The following MYO1G variants were observed in gnomAD, a reference collection of about 807,000 sequenced individuals.
MYO1G encodes myosin IG.
Under a neutral mutation model 115.3 loss-of-function variants are expected in MYO1G, and 65 were observed. The ratio of observed to expected loss-of-function variants is 0.56; its 90% confidence interval spans 0.46 to 0.69. The LOEUF (loss-of-function observed/expected upper bound fraction) is 0.69, where lower values mean the gene tolerates loss of function less well. Ranked by LOEUF, MYO1G falls within the 30% of genes least tolerant of loss-of-function variation. The probability of loss-of-function intolerance (pLI) is 0.00; values close to 1 mark genes in which losing one functional copy is unlikely to be tolerated. For missense variants in MYO1G, 1,204 were observed against 1,393.5 expected, an observed-to-expected ratio of 0.86 and a Z score of 2.16; for synonymous variants, 510 against 552.6, an observed-to-expected ratio of 0.92 and a Z score of 1.08.
At chr7:44,965,224 T>G in intron 17 of MYO1G, 135 bp from the exon 18 acceptor site, 2 of 1,312,126 alleles carry the variant, frequency 1.5e-6, no homozygotes, top group Non-Finnish European at 2.1e-6. Flanking sequence ...CCGGCCTCTC[T>G]GGCCTTGGCC....
Position 44,964,546 on chromosome 7 carries a change from G to A in MYO1G, c.2527-27C>T, listed in dbSNP as rs1165204864. 3.8e-6 allele frequency: 6 copies of A among 1,576,124 alleles called. No individual in the cohort carries two copies. Among genetic ancestry groups the A allele is most frequent in the Admixed American group, 3.3e-5 (2 of 59,880 alleles). On this transcript the variant is annotated intron_variant, in intron 18 of 21. Transcript: ENST00000258787. The surrounding 1 kb of genome is among the most constrained non-coding windows in gnomAD (Gnocchi z 5.1). ...TGAGGACAGATGGAGGGGAGGGGGC[G>A]CTGCTTGGGATTGAGTCATGGGACC...
rs1404682476 is a variant in MYO1G, at chr7:44,970,120, T to C, written c.1252A>G (p.Lys418Glu). The C allele has an allele frequency of 3.1e-6, 5 of 1,613,978 alleles. No individual in the cohort carries two copies. The highest frequency in any genetic ancestry group is 4.2e-6 in the Non-Finnish European group (5 of 1,179,930). ...EQFCINYCNE[K>E]LQQLFIQLIL... ...AGCTGGATGAATAGCTGCTGCAGCT[T>C]CTCGTTGCAGTAGTTGATGCAGAAC... is the stretch of plus-strand genomic sequence containing the variant. Residue 418 changes from lysine (K) to glutamate (E), a missense_variant, in exon 10 of 22, where the codon AAG (lysine) becomes GAG (glutamate). Coordinates refer to ENST00000258787, the MANE Select transcript of MYO1G (RefSeq NM_033054.3).
Position 44,962,856 on chromosome 7 carries a change from G to A in MYO1G, c.2940C>T (p.Ile980=), listed in dbSNP as rs1033799889. 1 of 1,505,838 alleles carries A rather than the reference G, an allele frequency of 6.6e-7. No individual in the cohort carries two copies. The highest frequency in any genetic ancestry group is 2.6e-5 in the East Asian group (1 of 37,870). The allele number at this position is 1,505,838 out of a possible 1,614,324, so 93.3% of individuals were successfully genotyped here. A position where few individuals can be genotyped will look rare whatever the true frequency, so the allele number is the denominator to read the frequency against. Residue 980 remains isoleucine, a synonymous_variant, in exon 22 of 22, where the codon ATC becomes ATT. Transcript: ENST00000258787. The surrounding 1 kb of genome is among the most constrained non-coding windows in gnomAD (Gnocchi z 5.3). ...GCCGGACCCCGCGATGGCTTAGTGG[G>A]ATGCAGTCGGAGACGCGAACCTCCA... ...RTLEVRVSDC[I]PLSHRGVRRL...
chr7:44,973,408 G>A (rs1157808914), intron 5 of MYO1G: 2 of 152,124 alleles, frequency 1.3e-5, no homozygotes, highest in African/African-American at 4.8e-5. Context: ...GACACTGCCT[G>A]TGTCCAAGAC....
At position 44,963,424 on chromosome 7, in the gene MYO1G, T is replaced by G; in HGVS notation, c.2746-300A>C. 2.5e-6 allele frequency: 1 copy of G among 397,132 alleles called. No individual in the cohort carries two copies. The allele number at this position is 397,132 out of a possible 1,614,324, so 24.6% of individuals were successfully genotyped here. On this transcript the variant is annotated intron_variant, in intron 20 of 21. Transcript: ENST00000258787. The surrounding 1 kb of genome is among the most constrained non-coding windows in gnomAD (Gnocchi z 4.1). ...GATGCTAAGCCCTTGCATGTGCTAC[T>G]GCCTGGAGGAGCCGTTTTTAGTTCT...
chr7:44,973,972 G>C (rs1562832862), intron 5 of MYO1G: 4 of 151,734 alleles, frequency 2.6e-5, no homozygotes, highest in Non-Finnish European at 4.4e-5. Context: ...GACACTGCCA[G>C]TGTCTCAGGG....
At chr7:44,978,814 C>A (rs1795129910) in intron 1 of MYO1G, 53 bp downstream of exon 1, 1 of 1,546,154 alleles carries the variant, frequency 6.5e-7, no homozygotes, top group Non-Finnish European at 8.9e-7. Flanking sequence ...TGCGAGGACG[C>A]AAGGTGGGAG....
rs749345874 is a variant in MYO1G at position 44,966,873 on chromosome 7, G to A, written c.1783-35C>T. The A allele has an allele frequency of 1.2e-5, 19 of 1,571,838 alleles. No homozygotes were observed. In the Admixed American group the frequency reaches 2.8e-4, roughly 23 times the overall value. On this transcript the variant is annotated intron_variant, in intron 14 of 21. Transcript: ENST00000258787. The surrounding 1 kb of genome is among the most constrained non-coding windows in gnomAD (Gnocchi z 5.0). ...CAGAGGGGACTTGGAGAGGGTCTGC[G>A]CCAGCAGCACTGTGCACCCTGCCCC...
At position 44,964,476 on chromosome 7, in the gene MYO1G, A is replaced by C; in HGVS notation, c.2570T>G (p.Leu857Arg). The change falls in exon 19 of 22, where the codon CTA (leucine) becomes CGA (arginine). Residue 857 changes from leucine (L) to arginine (R), a missense_variant. Leu to Arg is a moderately radical substitution (Grantham distance 102, BLOSUM62 -2). Coordinates refer to ENST00000258787, the MANE Select transcript of MYO1G (RefSeq NM_033054.3). The surrounding 1 kb of genome is among the most constrained non-coding windows in gnomAD (Gnocchi z 5.1). ...PTASSLFAQR[L>R]KTLQDKDGFG... ...GCCATCTTTGTCCTGAAGTGTCTTT[A>C]GTCGCTGAGCAAACAGGCTTGATGC... The C allele has an allele frequency of 6.2e-7, 1 of 1,614,104 alleles. No homozygotes were observed. The highest frequency in any genetic ancestry group is 1.7e-4 in the Middle Eastern group (1 of 6,058).
Position 44,969,736 on chromosome 7 carries a change from T to G in MYO1G, c.1472A>C (p.His491Pro), listed in dbSNP as rs1357741526. ...RIFLQTLDMHHRHHLHYTSRQ... is the reference protein window; with the variant it reads ...RIFLQTLDMHPRHHLHYTSRQ... ...GCTGGTGTAGTGTAGGTGATGGCGG[T>G]GGTGCATGTCCAGGGTCTGCAGGAA... is the stretch of plus-strand genomic sequence containing the variant. The change falls in exon 11 of 22, where the codon CAC becomes CCC. Residue 491 changes from histidine to proline, a missense_variant. His to Pro is a moderately conservative substitution (Grantham distance 77). Transcript: ENST00000258787. This position sits in a 1 kb window ranked among gnomAD's most constrained non-coding sequence, Gnocchi z 5.0. 1 of 1,611,592 alleles carries G rather than the reference T, an allele frequency of 6.2e-7. No individual in the cohort carries two copies. The highest frequency in any genetic ancestry group is 8.5e-7 in the Non-Finnish European group (1 of 1,179,872).
Position 44,966,699 on chromosome 7 carries a change from C to T in MYO1G, c.1922G>A (p.Arg641His), listed in dbSNP as rs748148561. 19 of 1,613,016 alleles carry T rather than the reference C, an allele frequency of 1.2e-5. No individual in the cohort carries two copies. The highest frequency in any genetic ancestry group is 2.2e-5 in the South Asian group (2 of 91,080). ...GAGCAGGAATCGAGAGTAGGGCTGG[C>T]GGGAAGCGAAGCCAGCCCTGCGGAC... is the stretch of plus-strand genomic sequence containing the variant. ...VRVRRAGFASRQPYSRFLLRY... is the reference protein window; with the variant it reads ...VRVRRAGFASHQPYSRFLLRY... Residue 641 changes from arginine to histidine, a missense_variant, in exon 15 of 22, where the codon CGC becomes CAC. Coordinates refer to ENST00000258787, the MANE Select transcript of MYO1G (RefSeq NM_033054.3). This position sits in a 1 kb window ranked among gnomAD's most constrained non-coding sequence, Gnocchi z 5.0.
In MYO1G at chr7:44,975,180, G is replaced by A. The variant is rs1795025706; in HGVS notation, c.612C>T (p.Phe204=). 5.6e-6 allele frequency: 9 copies of A among 1,614,092 alleles called. No homozygotes were observed. The highest frequency in any genetic ancestry group is 6.8e-6 in the Non-Finnish European group (8 of 1,179,996). The change falls in exon 5 of 22, where the codon TTC becomes TTT. Residue 204 remains phenylalanine (F), a synonymous_variant. Transcript: ENST00000258787. ...CCTTGCCCTCAGGGCTTACTTGGTA[G>A]AAGGCGTGGAAGTTTCTTTCACCCA... is the stretch of plus-strand genomic sequence containing the variant. ...QHVGERNFHA[F]YQLLRGSEDK...
Position 44,966,833 on chromosome 7 carries a change from G to A in MYO1G, c.1788C>T (p.Pro596=), listed in dbSNP as rs142679029. 18 of 1,606,650 alleles carry A rather than the reference G, an allele frequency of 1.1e-5. No individual in the cohort carries two copies. The highest frequency in any genetic ancestry group is 3.3e-5 in the South Asian group (3 of 90,264). ...TGGGCTTGATGCAGCGGACGTAGAA[G>A]GGCTCCTGCAGGGACAGAGGGGACT... ...ALVENLASKE[P]FYVRCIKPNE... is the part of the protein sequence containing the mutation. The change falls in exon 15 of 22, where the codon CCC becomes CCT. Residue 596 remains proline (P), a synonymous_variant. Transcript: ENST00000258787. This position sits in a 1 kb window ranked among gnomAD's most constrained non-coding sequence, Gnocchi z 5.0.
rs372395024 is a variant in MYO1G at position 44,969,870 on chromosome 7, C to T, written c.1338G>A (p.Glu446=). Residue 446 remains glutamate, a synonymous_variant, in exon 11 of 22, where the codon GAG becomes GAA. Transcript: ENST00000258787. The surrounding 1 kb of genome is among the most constrained non-coding windows in gnomAD (Gnocchi z 5.0). The part of the protein sequence containing the change: ...EREGITWQSV[E]YFNNATIVDL... Reference sequence around the variant, plus strand: ...CCACAATGGTGGCGTTGTTGAAATACTCAACCTGGGGCAAAGGCAGCCAGC... The same window carrying T: ...CCACAATGGTGGCGTTGTTGAAATATTCAACCTGGGGCAAAGGCAGCCAGC... 6.2e-7 allele frequency: 1 copy of T among 1,605,434 alleles called. No individual in the cohort carries two copies.
rs752756170 is a variant in MYO1G, at chr7:44,964,024, C to T, written c.2745+25G>A. ...GCAGTGCCCCTCACAGATGCTGCAC[C>T]CTACTCCCCACCCACATTGCTCACC... On this transcript the variant is annotated intron_variant, in intron 20 of 21. Coordinates refer to ENST00000258787, the MANE Select transcript of MYO1G (RefSeq NM_033054.3). This position sits in a 1 kb window ranked among gnomAD's most constrained non-coding sequence, Gnocchi z 5.1. The T allele has an allele frequency of 1.9e-6, 3 of 1,541,498 alleles. No homozygotes were observed. The highest frequency in any genetic ancestry group is 1.8e-6 in the Non-Finnish European group (2 of 1,135,848).
rs61745627 is a variant in MYO1G at position 44,966,685 on chromosome 7, G to C, written c.1936C>G (p.Arg646Gly). ...AGGTGCCAGTACCTGAGCAGGAATC[G>C]AGAGTAGGGCTGGCGGGAAGCGAAG... ...AGFASRQPYS[R>G]FLLRYKMTCE... The change falls in exon 15 of 22, where the codon CGA becomes GGA. Residue 646 changes from arginine to glycine, a missense_variant. Arg to Gly is a moderately radical substitution (Grantham distance 125). Coordinates refer to ENST00000258787, the MANE Select transcript of MYO1G (RefSeq NM_033054.3). This position sits in a 1 kb window ranked among gnomAD's most constrained non-coding sequence, Gnocchi z 5.0. The C allele has an allele frequency of 2.5e-6, 4 of 1,613,100 alleles. No homozygotes were observed. The highest frequency in any genetic ancestry group is 2.7e-5 in the African/African-American group (2 of 74,906).
intron 3 of MYO1G, among the ~76,000 whole-genome samples, chr7:44,975,937 A>G (rs2128703004): frequency 6.6e-6 from 1 of 152,278 alleles, no homozygotes; most frequent in South Asian, 2.1e-4. Flanking sequence ...TTCCCCTCCC[A>G]GGCCTCAGCT....
At position 44,969,734 on chromosome 7, in the gene MYO1G, G is replaced by A. The variant is rs748898010; in HGVS notation, c.1474C>T (p.Arg492Cys). 59 of 1,611,820 alleles carry A rather than the reference G, an allele frequency of 3.7e-5. 1 individual carries two copies. The East Asian group carries it at 9.6e-4, about 26-fold the overall frequency. The change falls in exon 11 of 22, where the codon CGC (arginine) becomes TGC (cysteine). Residue 492 changes from arginine to cysteine, a missense_variant. Physicochemically the swap from Arg to Cys is radical, Grantham distance 180. Coordinates refer to ENST00000258787, the MANE Select transcript of MYO1G (RefSeq NM_033054.3). This position sits in a 1 kb window ranked among gnomAD's most constrained non-coding sequence, Gnocchi z 5.0. Reference sequence around the variant, plus strand: ...CGGCTGGTGTAGTGTAGGTGATGGCGGTGGTGCATGTCCAGGGTCTGCAGG... The same window carrying A: ...CGGCTGGTGTAGTGTAGGTGATGGCAGTGGTGCATGTCCAGGGTCTGCAGG... ...IFLQTLDMHH[R>C]HHLHYTSRQL... is the part of the protein sequence containing the mutation.
At position 44,970,077 on chromosome 7, in the gene MYO1G, T is replaced by C. The variant is rs374911863; in HGVS notation, c.1295A>G (p.Gln432Arg). The C allele has an allele frequency of 1.3e-5, 21 of 1,613,978 alleles. No individual in the cohort carries two copies. Among genetic ancestry groups the C allele is most frequent in the African/African-American group, 2.7e-5 (2 of 74,932 alleles). ...GATGCCCTCGCGCTCGTACTCTTCC[T>C]GTTCCTGCTTCAGGATGAGCTGGAT... ...LFIQLILKQE[Q>R]EEYEREGITW... The change falls in exon 10 of 22, where the codon CAG becomes CGG. Residue 432 changes from glutamine to arginine, a missense_variant. Coordinates refer to ENST00000258787, the MANE Select transcript of MYO1G (RefSeq NM_033054.3).
Sources: gnomAD v4.1 joint callset for allele counts (sites outside exome capture counted in the v4.1 genomes callset) on GRCh38, gnomAD v4.1.1 for gene constraint, Gnocchi (gnomAD v3.1) non-coding constraint, MANE v1.5 for transcripts, NCBI Gene and HGNC (gene_info 2026-07-23, HGNC 2026-07-21) for gene names.